Variants in DLG2 observed in about 807,000 individuals in gnomAD.
The protein encoded by DLG2 is discs large MAGUK scaffold protein 2, also known as disks large homolog 2.
Under a neutral mutation model 132.5 loss-of-function variants are expected in DLG2, and 45 were observed. The observed-to-expected ratio is 0.34, with a 90% CI of 0.27 to 0.44. DLG2 has a LOEUF of 0.44. DLG2 is among the 20% of genes least tolerant of loss of function. The pLI is 1.00. For missense variants in DLG2, 1,045 were observed against 1,196.9 expected (o/e 0.87, Z 1.87); for synonymous variants, 424 against 419.6 (o/e 1.01, Z -0.13).
intron 20 of DLG2, among the ~76,000 whole-genome samples, chr11:83,539,531 A>G (rs942296135): frequency 1.3e-5 from 2 of 152,092 alleles, no homozygotes; most frequent in Non-Finnish European, 2.9e-5. Context: ...CCACCTTTCT[A>G]CAATAAAAGG....
chr11:83,699,348 G>A (rs73509244), intron 18 of DLG2, among the ~76,000 whole-genome samples: 317 of 152,252 alleles, frequency 2.1e-3, no homozygotes, highest in African/African-American at 7.2e-3. Context: ...AAAGAATGGA[G>A]AAGCTTTCTA....
At chr11:84,536,084 AC>A (rs2099354915) in intron 6 of DLG2, among the ~76,000 whole-genome samples, 3 of 152,162 alleles carry the variant, frequency 2.0e-5, no homozygotes, top group Non-Finnish European at 4.4e-5. Flanking sequence ...ATCAATACTT[AC>A]ACTTATACTT....
intron 6 of DLG2, among the ~76,000 whole-genome samples, chr11:84,576,447 T>A (rs2099500292): frequency 6.6e-6 from 1 of 152,168 alleles, no homozygotes; most frequent in South Asian, 2.1e-4. Flanking sequence ...AATCAGAAAA[T>A]GCTTCACTGA....
intron 18 of DLG2, among the ~76,000 whole-genome samples, chr11:83,637,215 T>A (rs1221264932): frequency 1.3e-5 from 2 of 152,180 alleles, no homozygotes; most frequent in Non-Finnish European, 1.5e-5. Context: ...ACCATATCCA[T>A]TAAATATTAA....
At chr11:83,623,808 A>ATT (rs2062033832) in intron 19 of DLG2, among the ~76,000 whole-genome samples, 1 of 152,162 alleles carries the variant, frequency 6.6e-6, no homozygotes, top group African/African-American at 2.4e-5. Flanking sequence ...AACCTACATG[A>ATT]TTGGCAGTTG....
chr11:84,900,624 C>T (rs2156516), intron 6 of DLG2, among the ~76,000 whole-genome samples: 16,262 of 151,924 alleles, frequency 0.11, 1,259 homozygotes, highest in African/African-American at 0.22. Flanking sequence ...ATGCAGAGTA[C>T]TACATTTGGT....
At chr11:84,896,560 C>A (rs181647009) in intron 6 of DLG2, among the ~76,000 whole-genome samples, 98 of 152,088 alleles carry the variant, frequency 6.4e-4, no homozygotes, top group Non-Finnish European at 3.7e-4. Context: ...TTGTTGAGTT[C>A]TCACCATATG....
At chr11:84,723,311 A>G (rs1450220995) in intron 6 of DLG2, among the ~76,000 whole-genome samples, 1 of 152,144 alleles carries the variant, frequency 6.6e-6, no homozygotes, top group Non-Finnish European at 1.5e-5. Context: ...GTTATTCCCC[A>G]TTTTACAGTT....
chr11:84,206,735 T>A (rs1417734779), intron 8 of DLG2, among the ~76,000 whole-genome samples: 1 of 151,972 alleles, frequency 6.6e-6, no homozygotes, highest in African/African-American at 2.4e-5. Context: ...CAACATTATA[T>A]TGGAGACCTT....
At chr11:84,467,247 G>T (rs1019451580) in intron 7 of DLG2, among the ~76,000 whole-genome samples, 1 of 151,242 alleles carries the variant, frequency 6.6e-6, no homozygotes, top group African/African-American at 2.4e-5. Flanking sequence ...GAATGATAAC[G>T]CTTTTTTAAA....
chr11:83,971,331 G>A (rs553453718), intron 12 of DLG2, among the ~76,000 whole-genome samples: 2 of 152,122 alleles, frequency 1.3e-5, no homozygotes, highest in African/African-American at 2.4e-5. Flanking sequence ...GAGGTGAGAT[G>A]ACTCATTCTC....
chr11:84,141,125 A>G (rs959095216), intron 9 of DLG2, among the ~76,000 whole-genome samples: 10 of 152,138 alleles, frequency 6.6e-5, no homozygotes, highest in African/African-American at 2.4e-4. Flanking sequence ...TTACACTGCC[A>G]CTGCTACCAG....
intron 11 of DLG2, among the ~76,000 whole-genome samples, chr11:83,995,050 T>G (rs1160760043): frequency 2.6e-5 from 4 of 151,284 alleles, no homozygotes; most frequent in African/African-American, 4.9e-5. Flanking sequence ...TCATCTTAAC[T>G]TGACCGTTAG....
chr11:84,360,336 T>G (rs1436034405), intron 7 of DLG2, among the ~76,000 whole-genome samples: 1 of 151,872 alleles, frequency 6.6e-6, no homozygotes, highest in Admixed American at 6.6e-5. Context: ...AATAAATTAT[T>G]AAATCAGATT....
chr11:85,227,967 T>C (rs537549575), intron 4 of DLG2, among the ~76,000 whole-genome samples: 2 of 152,232 alleles, frequency 1.3e-5, no homozygotes, highest in South Asian at 4.1e-4. Context: ...CATCAGAAGG[T>C]GGTACCTTAC....
intron 6 of DLG2, among the ~76,000 whole-genome samples, chr11:84,832,354 C>T (rs1004843409): frequency 2.6e-5 from 4 of 151,648 alleles, no homozygotes; most frequent in Non-Finnish European, 4.4e-5. Context: ...GGTTAAAGTA[C>T]ATTTTACAGG....
At chr11:84,843,048 A>G (rs1319783592) in intron 6 of DLG2, among the ~76,000 whole-genome samples, 6 of 152,010 alleles carry the variant, frequency 3.9e-5, no homozygotes, top group African/African-American at 1.2e-4. Flanking sequence ...TATATTCTAG[A>G]TATCTGCTGT....
At chr11:83,818,011 C>T (rs2049565448) in intron 17 of DLG2, among the ~76,000 whole-genome samples, 1 of 152,216 alleles carries the variant, frequency 6.6e-6, no homozygotes, top group Admixed American at 6.5e-5. Context: ...CAAACACATA[C>T]ATTCCTAGCA....
intron 6 of DLG2, among the ~76,000 whole-genome samples, chr11:84,784,369 T>G (rs184898752): frequency 6.7e-6 from 1 of 148,944 alleles, no homozygotes; most frequent in Admixed American, 6.7e-5. Flanking sequence ...AATAAATAAA[T>G]TAAACAAGAG....
Sources: allele counts gnomAD v4.1 joint callset (sites outside exome capture counted in the v4.1 genomes callset), GRCh38; gene constraint gnomAD v4.1.1; transcripts MANE v1.5; gene names NCBI Gene and HGNC (gene_info 2026-07-23, HGNC 2026-07-21).